Variants in RARB observed in about 807,000 individuals in gnomAD.
RARB encodes the protein HBV-activated protein.
A neutral mutation model predicts 51.9 loss-of-function variants in RARB; 17 were observed. The observed-to-expected ratio is 0.33, with a 90% CI of 0.22 to 0.49. The LOEUF (loss-of-function observed/expected upper bound fraction) is 0.49. RARB is among the 20% of genes least tolerant of loss of function. The probability of loss-of-function intolerance (pLI) is 0.99; values close to 1 mark genes in which losing one functional copy is unlikely to be tolerated. For missense variants in RARB, 369 were observed against 550.8 expected (o/e 0.67, Z 3.30); for synonymous variants, 215 against 195.4 (o/e 1.10, Z -0.84).
chr3:25,477,097 G>A (rs1262751628), intron 2 of RARB, among the ~76,000 whole-genome samples: 2 of 152,212 alleles, frequency 1.3e-5, no homozygotes, highest in Non-Finnish European at 2.9e-5. Context: ...TGGGGCAAAT[G>A]GAGGAGATGT....
chr3:25,271,314 G>T (rs991423275), intron 5 of RARB, among the ~76,000 whole-genome samples: 1 of 152,256 alleles, frequency 6.6e-6, no homozygotes, highest in Non-Finnish European at 1.5e-5. Context: ...AAATAATAGT[G>T]TGCTAACCAA....
At chr3:25,365,074 G>C (rs1163696317) in intron 5 of RARB, among the ~76,000 whole-genome samples, 1 of 151,916 alleles carries the variant, frequency 6.6e-6, no homozygotes, top group Non-Finnish European at 1.5e-5. Context: ...TCACTCAAAG[G>C]CCCTAAAAAT....
At chr3:24,860,648 G>T (rs1012975891) in intron 2 of RARB, among the ~76,000 whole-genome samples, 1 of 152,124 alleles carries the variant, frequency 6.6e-6, no homozygotes, top group Non-Finnish European at 1.5e-5. Context: ...TTACAGAAGA[G>T]AGCATTGCAT....
intron 3 of RARB, among the ~76,000 whole-genome samples, chr3:25,528,174 G>A (rs1698736981): frequency 6.6e-6 from 1 of 152,336 alleles, no homozygotes. Flanking sequence ...TGGAGAAAGA[G>A]CCTGCCCACC....
chr3:24,970,574 AACACACAC>A lies in RARB; in HGVS notation c.-379-89527_-379-89520del, dbSNP rs60292267. Among the ~76,000 whole-genome samples the A allele has an allele frequency of 9.9e-3, 1,471 of 148,746 alleles. 26 individuals carry two copies. Among genetic ancestry groups the A allele is most frequent in the East Asian group, 0.093 (461 of 4,968 alleles). ...TAAATAAATTCCACCAAGTCATGTAAACACACACACACACACACACACACACACACAAA... is the reference window on the plus strand; with the variant it reads ...TAAATAAATTCCACCAAGTCATGTAAACACACACACACACACACACACAAA... On this transcript the variant is annotated intron_variant, in intron 2 of 11. Coordinates refer to the RARB transcript ENST00000383772.
intron 5 of RARB, among the ~76,000 whole-genome samples, chr3:25,199,451 T>A (rs1206635840): frequency 6.6e-6 from 1 of 152,034 alleles, no homozygotes; most frequent in African/African-American, 2.4e-5. Context: ...AGAGTATAAT[T>A]GGAATTTTTT....
chr3:24,893,097 A>G (rs1435647672), intron 2 of RARB, among the ~76,000 whole-genome samples: 1 of 152,208 alleles, frequency 6.6e-6, no homozygotes, highest in East Asian at 1.9e-4. Flanking sequence ...TGCCCAAAGG[A>G]TCCTTTAAAT....
chr3:25,235,769 C>A (rs541000504), intron 5 of RARB, among the ~76,000 whole-genome samples: 1 of 152,152 alleles, frequency 6.6e-6, no homozygotes, highest in Non-Finnish European at 1.5e-5. Flanking sequence ...TGCTATAAAA[C>A]CCCTTCTTTG....
In RARB at chr3:25,417,505, C is replaced by CA. The variant is rs1171741863; in HGVS notation, c.179-43684dup. 6.6e-5 allele frequency among the ~76,000 whole-genome samples: 10 copies of CA among 152,262 alleles called. No individual in the cohort carries two copies. The South Asian group carries it at 1.9e-3, about 28-fold the overall frequency. ...TTCTCCTGATAGTGAATAAGTCTCA[C>CA]AAAATCCAATGGTTTTAAAAATGGG... On this transcript the variant is annotated intron_variant, in intron 5 of 11. Coordinates refer to the RARB transcript ENST00000383772.
chr3:25,382,373 A>T (rs2125480249), intron 5 of RARB, among the ~76,000 whole-genome samples: 1 of 151,010 alleles, frequency 6.6e-6, no homozygotes, highest in Admixed American at 6.6e-5. Context: ...AGGGCAAATC[A>T]CTGTGTGCTC....
intron 2 of RARB, among the ~76,000 whole-genome samples, chr3:24,928,153 A>T (rs1245915800): frequency 6.6e-6 from 1 of 152,048 alleles, no homozygotes; most frequent in Non-Finnish European, 1.5e-5. Flanking sequence ...GGTTTATGCC[A>T]TTGGAAGTCA....
chr3:25,302,693 C>G (rs1704069606), intron 5 of RARB, among the ~76,000 whole-genome samples: 2 of 152,128 alleles, frequency 1.3e-5, no homozygotes, highest in Non-Finnish European at 2.9e-5. Context: ...GATATTTGCC[C>G]ACCTTTGTGA....
At chr3:25,159,310 C>T (rs891265807) in intron 4 of RARB, among the ~76,000 whole-genome samples, 6 of 151,500 alleles carry the variant, frequency 4.0e-5, no homozygotes, top group Admixed American at 6.6e-5. Flanking sequence ...GCTGGGATTA[C>T]AAGTATGCAC....
intron 5 of RARB, among the ~76,000 whole-genome samples, chr3:25,207,596 A>G (rs1227944234): frequency 1.3e-5 from 2 of 152,218 alleles, no homozygotes; most frequent in Non-Finnish European, 2.9e-5. Flanking sequence ...TTTTTTCTAT[A>G]CTAAATGTTT....
intron 4 of RARB, 111 bp from the exon 5 acceptor site, chr3:25,580,435 G>A: frequency 9.5e-7 from 1 of 1,050,030 alleles, no homozygotes. Context: ...CCAACAACCT[G>A]CCTGCTCAAG....
At chr3:25,067,838 C>G (rs1698692283) in intron 3 of RARB, among the ~76,000 whole-genome samples, 1 of 151,980 alleles carries the variant, frequency 6.6e-6, no homozygotes, top group African/African-American at 2.4e-5. Context: ...TCCTATTCTT[C>G]TAGGAAATTA....
At chr3:24,889,023 T>C (rs1322410851) in intron 2 of RARB, among the ~76,000 whole-genome samples, 6 of 152,170 alleles carry the variant, frequency 3.9e-5, no homozygotes, top group Non-Finnish European at 7.3e-5. Flanking sequence ...AATAGAATGA[T>C]TGGGAATTTT....
chr3:25,245,382 C>G (rs1702533788), intron 5 of RARB, among the ~76,000 whole-genome samples: 1 of 152,172 alleles, frequency 6.6e-6, no homozygotes, highest in South Asian at 2.1e-4. Context: ...TTAGTTGATG[C>G]ACTATCTTCA....
rs141539028 is a variant in RARB, at chr3:25,297,143, C to A, written c.178+122568C>A. Among the ~76,000 whole-genome samples the A allele has an allele frequency of 4.2e-3, 639 of 152,222 alleles. 5 individuals are homozygous for A. Among genetic ancestry groups the A allele is most frequent in the African/African-American group, 0.014 (583 of 41,540 alleles). ...AATCCATGAACTCTGTGATGGTATG[C>A]AAAATGGTATGTTCCCACACAAGTG... is the stretch of plus-strand genomic sequence containing the variant. On this transcript the variant is annotated intron_variant, in intron 5 of 11. Coordinates refer to the RARB transcript ENST00000383772.
Sources: gnomAD v4.1 joint callset for allele counts (sites outside exome capture counted in the v4.1 genomes callset) on GRCh38, gnomAD v4.1.1 for gene constraint, MANE v1.5 for transcripts, NCBI Gene and HGNC (gene_info 2026-07-23, HGNC 2026-07-21) for gene names.